The following RAB20 variants were observed in gnomAD, a reference collection of about 807,000 sequenced individuals.
RAB20 encodes the protein ras-related protein Rab-20.
In RAB20, 2 loss-of-function variants were observed where a neutral mutation model predicts 3.7. The observed-to-expected ratio is 0.54, with a 90% CI of 0.22 to 1.69. RAB20 has a LOEUF of 1.69. Ranked by LOEUF, RAB20 falls within the 40% of genes most tolerant of loss-of-function variation. RAB20 has a pLI of 0.19. For synonymous variants in RAB20, 126 were observed against 130.8 expected, an observed-to-expected ratio of 0.96 and a Z score of 0.25; for missense variants, 276 against 311.9, an observed-to-expected ratio of 0.88 and a Z score of 0.87.
In RAB20 at chr13:110,552,598, C is replaced by A. The variant is rs542434193; in HGVS notation, c.172+8750G>T. On this transcript the variant is annotated intron_variant, in intron 1 of 1. Transcript: ENST00000267328. ...GTCCCAGCTACTCAGGAGGCTGAGG[C>A]AGGAGAATGGCGTGAACCCAGGAGG... 2.3e-4 allele frequency among the ~76,000 whole-genome samples: 35 copies of A among 151,502 alleles called. No homozygotes were observed. In the South Asian group the frequency reaches 7.1e-3, roughly 31 times the overall value.
chr13:110,548,623 T>C (rs11617579), intron 1 of RAB20, among the ~76,000 whole-genome samples: 9,838 of 151,772 alleles, frequency 0.065, 413 homozygotes, highest in Non-Finnish European at 0.1. Context: ...GTTCTGTTCC[T>C]TTTTTATGCG....
Position 110,524,169 on chromosome 13 carries a change from G to A in RAB20, c.201C>T (p.Ser67=), listed in dbSNP as rs555805554. ...TGGCGGCCGCCCCCCGGCAGTACAT[G>A]GAGCCCAGGCCGTGGAACTGCTCCC... The part of the protein sequence containing the change: ...AGREQFHGLG[S]MYCRGAAAII... The change falls in exon 2 of 2, where the codon TCC becomes TCT. Residue 67 remains serine (S), a synonymous_variant. Transcript: ENST00000267328. 8 of 1,602,230 alleles carry A rather than the reference G, an allele frequency of 5.0e-6. No homozygotes were observed. The highest frequency in any genetic ancestry group is 2.7e-5 in the African/African-American group (2 of 75,016).
At chr13:110,561,320 G>A (rs1471733527) in intron 1 of RAB20, 28 bp downstream of exon 1, 6 of 1,564,382 alleles carry the variant, frequency 3.8e-6, no homozygotes, top group Non-Finnish European at 5.2e-6. Flanking sequence ...GCCCCAGGGC[G>A]GTGTGGCTCA....
Position 110,523,358 on chromosome 13 carries a change from T to C in RAB20, c.*307A>G, listed in dbSNP as rs1386423033. ...TGCCTCTGCAAGGGCAAGGGGGCCG[T>C]TGGTGGCTGGCTGCAAAGGACCAGT... On this transcript the variant is annotated 3_prime_UTR_variant, in exon 2 of 2. Coordinates refer to ENST00000267328, the MANE Select transcript of RAB20 (RefSeq NM_017817.3). 3 of 530,712 alleles carry C rather than the reference T, an allele frequency of 5.7e-6. No homozygotes were observed. The highest frequency in any genetic ancestry group is 9.7e-6 in the Non-Finnish European group (3 of 309,872). 32.9% of individuals were successfully genotyped at this position (530,712 alleles called of 1,614,324 possible). A position where few individuals can be genotyped will look rare whatever the true frequency, so the allele number is the denominator to read the frequency against.
intron 1 of RAB20, among the ~76,000 whole-genome samples, chr13:110,538,975 G>T (rs1000818333): frequency 1.3e-5 from 2 of 152,204 alleles, no homozygotes; most frequent in Non-Finnish European, 2.9e-5. Flanking sequence ...ATATGACTGT[G>T]GGAGTTGACA....
intron 1 of RAB20, among the ~76,000 whole-genome samples, chr13:110,531,010 C>T (rs1295584086): frequency 2.0e-5 from 3 of 152,232 alleles, no homozygotes; most frequent in African/African-American, 7.2e-5. Flanking sequence ...TCCACGATCC[C>T]GTCCTGTATC....
At chr13:110,544,236 C>T (rs1884815303) in intron 1 of RAB20, among the ~76,000 whole-genome samples, 1 of 152,186 alleles carries the variant, frequency 6.6e-6, no homozygotes, top group Non-Finnish European at 1.5e-5. Context: ...GCACTCTACC[C>T]TGTTCCATTG....
At chr13:110,529,135 G>A (rs1884484600) in intron 1 of RAB20, among the ~76,000 whole-genome samples, 1 of 152,208 alleles carries the variant, frequency 6.6e-6, no homozygotes, top group Admixed American at 6.5e-5. Context: ...TAAGGCATGA[G>A]AGTGAACATA....
chr13:110,523,471 T>C lies in RAB20; in HGVS notation c.*194A>G. On this transcript the variant is annotated 3_prime_UTR_variant, in exon 2 of 2. Transcript: ENST00000267328. ...TTCCTGTTTCCCACCTCCCCACCCCTCTGACAGAGACTGAGGAGACCACAC... is the reference window on the plus strand; with the variant it reads ...TTCCTGTTTCCCACCTCCCCACCCCCCTGACAGAGACTGAGGAGACCACAC... 1 of 878,172 alleles carries C rather than the reference T, an allele frequency of 1.1e-6. No homozygotes were observed. The highest frequency in any genetic ancestry group is 1.7e-6 in the Non-Finnish European group (1 of 593,994). The allele number at this position is 878,172 out of a possible 1,614,324, so 54.4% of individuals were successfully genotyped here.
chr13:110,554,991 G>C (rs569818171), intron 1 of RAB20, among the ~76,000 whole-genome samples: 451 of 18,862 alleles, frequency 0.024, 3 homozygotes, highest in African/African-American at 0.088. Context: ...AGCGGCCCTG[G>C]CACCGTGTCA....
chr13:110,560,919 T>C (rs1885117973), intron 1 of RAB20, among the ~76,000 whole-genome samples: 2 of 152,120 alleles, frequency 1.3e-5, no homozygotes, highest in African/African-American at 2.4e-5. Context: ...ACTCTGTGCC[T>C]CATTTTACTT....
rs1885139659 is a variant in RAB20, at chr13:110,561,679, G to A, written c.-160C>T. The A allele has an allele frequency of 2.3e-6, 3 of 1,281,868 alleles. No homozygotes were observed. Among genetic ancestry groups the A allele is most frequent in the Non-Finnish European group, 3.0e-6 (3 of 989,836 alleles). The allele number at this position is 1,281,868 out of a possible 1,614,324, so 79.4% of individuals were successfully genotyped here. On this transcript the variant is annotated 5_prime_UTR_variant, in exon 1 of 2. Coordinates refer to ENST00000267328, the MANE Select transcript of RAB20 (RefSeq NM_017817.3). ...CCTCCGGACGCCCGGGAGCTCAAGA[G>A]AGGAAGCGCGTGTGCGCGCCCGGGA...
At chr13:110,552,735 A>AT (rs56836638) in intron 1 of RAB20, among the ~76,000 whole-genome samples, 21 of 151,732 alleles carry the variant, frequency 1.4e-4, no homozygotes, top group African/African-American at 4.8e-4. Context: ...AAATAAATAA[A>AT]AATTTCTATT....
chr13:110,561,004 G>A (rs897815245), intron 1 of RAB20, among the ~76,000 whole-genome samples: 1 of 152,174 alleles, frequency 6.6e-6, no homozygotes, highest in Admixed American at 6.5e-5. Flanking sequence ...ATGTTCCTAC[G>A]GGTACGTGAA....
intron 1 of RAB20, among the ~76,000 whole-genome samples, chr13:110,558,326 T>C (rs1594141153): frequency 6.6e-6 from 1 of 151,228 alleles, no homozygotes; most frequent in Admixed American, 6.6e-5. Context: ...ACAAGGTGAG[T>C]TGGAGTTGGA....
chr13:110,546,206 T>C (rs939417005), intron 1 of RAB20, among the ~76,000 whole-genome samples: 6 of 152,194 alleles, frequency 3.9e-5, no homozygotes, highest in African/African-American at 1.2e-4. Context: ...TCGAGAACCA[T>C]GCTGGGCTCC....
intron 1 of RAB20, among the ~76,000 whole-genome samples, chr13:110,541,187 C>T (rs1329895201): frequency 6.6e-6 from 1 of 152,206 alleles, no homozygotes; most frequent in Non-Finnish European, 1.5e-5. Flanking sequence ...TCCTCTGATA[C>T]TCTCCACCTG....
chr13:110,558,542 C>A (rs1233681676), intron 1 of RAB20, among the ~76,000 whole-genome samples: 1 of 151,632 alleles, frequency 6.6e-6, no homozygotes, highest in Non-Finnish European at 1.5e-5. Context: ...AGCCACCACA[C>A]CCAGCTAATT....
chr13:110,554,907 G>A (rs1393252319), intron 1 of RAB20, among the ~76,000 whole-genome samples: 3 of 152,048 alleles, frequency 2.0e-5, no homozygotes, highest in East Asian at 1.9e-4. Flanking sequence ...TGAGAAACCC[G>A]TACTCTAGGT....
Sources: allele counts gnomAD v4.1 joint callset (sites outside exome capture counted in the v4.1 genomes callset), GRCh38; gene constraint gnomAD v4.1.1; transcripts MANE v1.5; gene names NCBI Gene and HGNC (gene_info 2026-07-23, HGNC 2026-07-21).